Variants in CYLC2 observed in about 807,000 individuals in gnomAD.
CYLC2 encodes the protein cylicin-2.
In CYLC2, 30 loss-of-function variants were observed where a neutral mutation model predicts 26.1. That is an observed-to-expected ratio of 1.15 (90% confidence interval 0.86 to 1.56). The LOEUF (loss-of-function observed/expected upper bound fraction) is 1.56, where lower values mean the gene tolerates loss of function less well. Among genes scored for constraint, CYLC2 ranks in the 40% most tolerant of loss-of-function variants. CYLC2 has a pLI of 0.00. For synonymous variants in CYLC2, 158 were observed against 132.8 expected, an observed-to-expected ratio of 1.19 and a Z score of -1.31; for missense variants, 498 against 394.4, an observed-to-expected ratio of 1.26 and a Z score of -2.23.
rs539112501 is a variant in CYLC2 at position 103,013,986 on chromosome 9, TATG to T, written c.*816+1892_*816+1894del. Among the ~76,000 whole-genome samples, 1,237 of 104,190 alleles carry T rather than the reference TATG, an allele frequency of 0.012. 71 individuals are homozygous for T. The East Asian group carries it at 0.2, about 17-fold the overall frequency. 68.4% of individuals were successfully genotyped at this position (104,190 alleles called of 152,430 possible). ...TATTATTATATTATATATTATTTAA[TATG>T]ATATTACAGTTATATTATAATATAT... is the stretch of plus-strand genomic sequence containing the variant. On this transcript the variant is annotated intron_variant, in intron 6 of 7. Transcript: ENST00000374798.
chr9:103,006,402 C>CTTATTTAT (rs374595023), intron 5 of CYLC2, 24 bp downstream of exon 5: 1 of 117,862 alleles, frequency 8.5e-6, no homozygotes, highest in East Asian at 2.9e-4. Flanking sequence ...GTTTTGTTTA[C>CTTATTTAT]TTATTTATTT....
intron 5 of CYLC2, among the ~76,000 whole-genome samples, chr9:103,011,159 T>C (rs1216737152): frequency 6.6e-6 from 1 of 152,104 alleles, no homozygotes; most frequent in Non-Finnish European, 1.5e-5. Flanking sequence ...TACATGCATA[T>C]ACGCACATAC....
rs761892210 is a variant in CYLC2, at chr9:102,995,334, GT to G, written c.-44del. On this transcript the variant is annotated 5_prime_UTR_variant, in exon 1 of 8. Coordinates refer to ENST00000374798, the MANE Select transcript of CYLC2 (RefSeq NM_001340.5). ...ATGATGTCACCTTTCAACATCACCA[GT>G]TTGAACTTACAATACTTAAGTCCTG... The G allele has an allele frequency of 1.4e-5, 22 of 1,520,702 alleles. No individual in the cohort carries two copies. The highest frequency in any genetic ancestry group is 2.0e-5 in the Non-Finnish European group (22 of 1,096,634). 94.2% of individuals were successfully genotyped at this position (1,520,702 alleles called of 1,614,324 possible).
Position 103,006,053 on chromosome 9 carries a change from CACACACACACACACACACAG to C in CYLC2, c.*376_*395del, listed in dbSNP as rs1829345929. ...ACACACACACACACACACACACACA[CACACACACACACACACACAG>C]TTTAATGAAGGCTTAAAGAATCCAA... On this transcript the variant is annotated 3_prime_UTR_variant, in exon 5 of 8. Transcript: ENST00000374798. The C allele has an allele frequency of 6.1e-6, 1 of 165,058 alleles. No individual in the cohort carries two copies. The highest frequency in any genetic ancestry group is 1.3e-5 in the Non-Finnish European group (1 of 78,030). The allele number at this position is 165,058 out of a possible 1,614,324, so 10.2% of individuals were successfully genotyped here. A position where few individuals can be genotyped will look rare whatever the true frequency, so the allele number is the denominator to read the frequency against.
chr9:103,004,063 T>G (rs940680120), intron 3 of CYLC2, among the ~76,000 whole-genome samples: 13 of 152,126 alleles, frequency 8.5e-5, no homozygotes, highest in African/African-American at 2.9e-4. Context: ...GTACAGAGAT[T>G]AGCTATTTTT....
chr9:103,000,131 A>T (rs560738892), intron 1 of CYLC2, among the ~76,000 whole-genome samples: 1 of 151,722 alleles, frequency 6.6e-6, no homozygotes, highest in Non-Finnish European at 1.5e-5. Context: ...GTATTCTATC[A>T]TTTTCATAAT....
intron 3 of CYLC2, among the ~76,000 whole-genome samples, chr9:103,003,929 A>G (rs1829313905): frequency 6.6e-6 from 1 of 152,130 alleles, no homozygotes; most frequent in Non-Finnish European, 1.5e-5. Context: ...GCATATGCTC[A>G]AAGAAAAGTT....
At chr9:102,996,477 C>T (rs1829238652) in intron 1 of CYLC2, among the ~76,000 whole-genome samples, 1 of 151,774 alleles carries the variant, frequency 6.6e-6, no homozygotes, top group African/African-American at 2.4e-5. Flanking sequence ...AGTGTAATCC[C>T]AAAACATTCT....
At chr9:102,995,580 G>C (rs1045606119) in intron 1 of CYLC2, among the ~76,000 whole-genome samples, 183 bp downstream of exon 1, 1 of 151,858 alleles carries the variant, frequency 6.6e-6, no homozygotes, top group African/African-American at 2.4e-5. Flanking sequence ...GACATAGCTA[G>C]TGCATGCATT....
chr9:103,001,704 A>T, intron 2 of CYLC2, 86 bp downstream of exon 2: 1 of 836,636 alleles, frequency 1.2e-6, no homozygotes, highest in Non-Finnish European at 1.9e-6. Context: ...GATAAAGCAA[A>T]CATTGCCATG....
chr9:103,005,414 G>A lies in CYLC2; in HGVS notation c.783G>A (p.Lys261=). The change falls in exon 5 of 8, where the codon AAG becomes AAA. Residue 261 remains lysine, a synonymous_variant. Transcript: ENST00000374798. ...AAGGTGATGAATCGAAGGATGCCAAGAAAGATGCAAAGGAGATTAAAAAAG... is the reference window on the plus strand; with the variant it reads ...AAGGTGATGAATCGAAGGATGCCAAAAAAGATGCAAAGGAGATTAAAAAAG... ...ANKGDESKDA[K]KDAKEIKKGK... 6.2e-7 allele frequency: 1 copy of A among 1,613,914 alleles called. No individual in the cohort carries two copies. The highest frequency in any genetic ancestry group is 8.5e-7 in the Non-Finnish European group (1 of 1,179,942).
At chr9:103,015,443 TAA>T (rs1491110110) in intron 6 of CYLC2, among the ~76,000 whole-genome samples, 2 of 137,650 alleles carry the variant, frequency 1.5e-5, no homozygotes, top group African/African-American at 2.7e-5. Context: ...TATATATCAT[TAA>T]TATATATATT....
At position 103,004,858 on chromosome 9, in the gene CYLC2, A is replaced by G. The variant is rs747277899; in HGVS notation, c.337+7A>G. The G allele has an allele frequency of 1.9e-6, 3 of 1,605,484 alleles. No individual in the cohort carries two copies. In the South Asian group the frequency reaches 3.4e-5, roughly 18 times the overall value. On this transcript the variant is annotated splice_region_variant and intron_variant, in intron 4 of 7. Transcript: ENST00000374798. ...GTGGATTCTAAAGCAGCAGGTAGAG[A>G]TAACTTACTGTTTTTATAGTATCTC...
In CYLC2 at chr9:103,005,885, G is replaced by GA. The variant is rs2118241724; in HGVS notation, c.*208dup. 3.7e-6 allele frequency: 2 copies of GA among 537,708 alleles called. No homozygotes were observed. Among genetic ancestry groups the GA allele is most frequent in the African/African-American group, 1.9e-5 (1 of 51,964 alleles). The allele number at this position is 537,708 out of a possible 1,614,324, so 33.3% of individuals were successfully genotyped here. On this transcript the variant is annotated 3_prime_UTR_variant, in exon 5 of 8. Transcript: ENST00000374798. ...AAGATGTTAAGAAAAATTAAGGGGG[G>GA]ATCCATTGAAAGACTTGAAGAATAC...
intron 1 of CYLC2, among the ~76,000 whole-genome samples, chr9:102,996,140 TA>T (rs1221236128): frequency 2.6e-5 from 4 of 151,786 alleles, no homozygotes; most frequent in African/African-American, 9.7e-5. Context: ...ACATGAATAT[TA>T]AAAATAAAAT....
chr9:103,009,786 T>A (rs1829387097), intron 5 of CYLC2, among the ~76,000 whole-genome samples: 1 of 152,048 alleles, frequency 6.6e-6, no homozygotes, highest in Admixed American at 6.6e-5. Flanking sequence ...AATTTTTAGA[T>A]ACAACAAATG....
intron 2 of CYLC2, among the ~76,000 whole-genome samples, chr9:103,002,039 A>C (rs1381599571): frequency 1.3e-5 from 2 of 152,136 alleles, no homozygotes; most frequent in Non-Finnish European, 2.9e-5. Context: ...GAAGAACTTC[A>C]AATATCAAGT....
At chr9:103,001,965 A>G (rs1441627568) in intron 2 of CYLC2, among the ~76,000 whole-genome samples, 2 of 152,164 alleles carry the variant, frequency 1.3e-5, no homozygotes, top group Admixed American at 6.5e-5. Context: ...TTCCTGATAG[A>G]TTATAACCAG....
intron 1 of CYLC2, among the ~76,000 whole-genome samples, chr9:102,998,865 G>A (rs1468828592): frequency 2.0e-5 from 3 of 151,766 alleles, no homozygotes; most frequent in African/African-American, 7.3e-5. Context: ...TATTGTGTAT[G>A]TGCTAGTATT....
Sources: allele counts gnomAD v4.1 joint callset (sites outside exome capture counted in the v4.1 genomes callset), GRCh38; gene constraint gnomAD v4.1.1; transcripts MANE v1.5; gene names NCBI Gene and HGNC (gene_info 2026-07-23, HGNC 2026-07-21).